ROR1: variants seen among roughly 807,000 people sequenced by gnomAD.
ROR1 encodes ROR family WNT receptor 1.
A neutral mutation model predicts 78.8 loss-of-function variants in ROR1; 19 were observed. The ratio of observed to expected loss-of-function variants is 0.24; its 90% CI spans 0.17 to 0.35. The LOEUF is 0.35. Among genes scored for constraint, ROR1 ranks in the 10% least tolerant of loss-of-function variants. The pLI is 1.00. For synonymous variants in ROR1, 386 were observed against 433.6 expected (o/e 0.89, Z 1.36); for missense variants, 917 against 1,177.8 (o/e 0.78, Z 3.24).
At chr1:64,035,443 T>C (rs1458905926) in intron 2 of ROR1, among the ~76,000 whole-genome samples, 1 of 152,198 alleles carries the variant, frequency 6.6e-6, no homozygotes, top group East Asian at 1.9e-4. Flanking sequence ...TGTTGTCTGA[T>C]AGCTGCTTTC....
At chr1:63,972,774 A>G (rs1646128831) in intron 1 of ROR1, among the ~76,000 whole-genome samples, 2 of 152,242 alleles carry the variant, frequency 1.3e-5, no homozygotes, top group South Asian at 4.1e-4. Context: ...ACTTAATTCC[A>G]GTTAATCATT....
intron 2 of ROR1, among the ~76,000 whole-genome samples, chr1:64,041,423 G>T (rs1300119826): frequency 1.3e-5 from 2 of 152,108 alleles, no homozygotes; most frequent in East Asian, 3.8e-4. Flanking sequence ...CATACAATTT[G>T]TCTATTTGTA....
chr1:64,149,840 C>T (rs1220094706), intron 7 of ROR1, among the ~76,000 whole-genome samples: 2 of 152,146 alleles, frequency 1.3e-5, no homozygotes, highest in Non-Finnish European at 2.9e-5. Context: ...TCACTGTAGC[C>T]CTTTATCATT....
chr1:63,985,578 A>G (rs2100514182), intron 1 of ROR1, among the ~76,000 whole-genome samples: 1 of 152,200 alleles, frequency 6.6e-6, no homozygotes, highest in East Asian at 1.9e-4. Context: ...CATACACAAA[A>G]TTATTAAAAA....
intron 8 of ROR1, among the ~76,000 whole-genome samples, chr1:64,176,992 G>A (rs937940419): frequency 6.6e-6 from 1 of 152,236 alleles, no homozygotes; most frequent in African/African-American, 2.4e-5. Flanking sequence ...GATTACAAAT[G>A]CTCTGAGTAC....
At chr1:63,832,956 C>G (rs1180010879) in intron 1 of ROR1, among the ~76,000 whole-genome samples, 3 of 152,202 alleles carry the variant, frequency 2.0e-5, no homozygotes, top group African/African-American at 7.2e-5. Flanking sequence ...TTTCTGATAA[C>G]CAGCCCCCCA....
At chr1:63,951,590 G>A (rs184945311) in intron 1 of ROR1, among the ~76,000 whole-genome samples, 26 of 152,320 alleles carry the variant, frequency 1.7e-4, no homozygotes, top group Admixed American at 1.7e-3. Context: ...ATAGGAATGT[G>A]TGTGGGAGGA....
chr1:63,841,373 A>G (rs1162723079), intron 1 of ROR1, among the ~76,000 whole-genome samples: 1 of 152,232 alleles, frequency 6.6e-6, no homozygotes, highest in East Asian at 1.9e-4. Flanking sequence ...TGTTCCTTAA[A>G]CATAGTAGGT....
At chr1:64,118,748 A>G (rs1569800701) in intron 4 of ROR1, among the ~76,000 whole-genome samples, 1 of 151,838 alleles carries the variant, frequency 6.6e-6, no homozygotes, top group African/African-American at 2.4e-5. Flanking sequence ...GGTAAATCAG[A>G]GTTAACAACA....
chr1:64,097,396 G>C (rs1386798377), intron 4 of ROR1, among the ~76,000 whole-genome samples: 1 of 152,050 alleles, frequency 6.6e-6, no homozygotes, highest in Non-Finnish European at 1.5e-5. Context: ...TTATTTTGAG[G>C]TCAGCTGATT....
At chr1:63,965,045 T>G (rs1235074181) in intron 1 of ROR1, among the ~76,000 whole-genome samples, 1 of 152,216 alleles carries the variant, frequency 6.6e-6, no homozygotes, top group Non-Finnish European at 1.5e-5. Context: ...GTTCTAGTAT[T>G]ATGATTGTTT....
At chr1:63,842,606 G>A (rs1645055779) in intron 1 of ROR1, among the ~76,000 whole-genome samples, 1 of 151,810 alleles carries the variant, frequency 6.6e-6, no homozygotes, top group African/African-American at 2.4e-5. Context: ...TTGCTCACAA[G>A]ATGTGCAGAA....
chr1:64,054,697 A>G (rs1182500566), intron 4 of ROR1, among the ~76,000 whole-genome samples: 1 of 152,226 alleles, frequency 6.6e-6, no homozygotes, highest in Non-Finnish European at 1.5e-5. Flanking sequence ...CTAGGTTTGT[A>G]CAAATTTAAG....
intron 1 of ROR1, among the ~76,000 whole-genome samples, chr1:63,815,594 C>T (rs1374139991): frequency 1.3e-5 from 2 of 151,164 alleles, no homozygotes; most frequent in Non-Finnish European, 2.9e-5. Flanking sequence ...TTAATACCAC[C>T]CTTCAGTGGT....
chr1:64,110,841 A>G (rs1648064338), intron 4 of ROR1: 1 of 152,096 alleles, frequency 6.6e-6, no homozygotes, highest in Non-Finnish European at 1.5e-5. Context: ...GCAGTGGAGT[A>G]AAGACCTTTA....
intron 1 of ROR1, among the ~76,000 whole-genome samples, chr1:63,947,633 G>T (rs1645901132): frequency 6.6e-6 from 1 of 152,148 alleles, no homozygotes; most frequent in South Asian, 2.1e-4. Context: ...GCCGGCGGGA[G>T]GTGATAGCTG....
At chr1:63,867,284 T>C (rs554929104) in intron 1 of ROR1, among the ~76,000 whole-genome samples, 1 of 152,290 alleles carries the variant, frequency 6.6e-6, no homozygotes, top group East Asian at 1.9e-4. Context: ...TTAGACCAGG[T>C]GGTTTCACAA....
At chr1:63,940,482 CAGATAGATAGACAGACAGATAGATAGAT>C (rs1401635853) in intron 1 of ROR1, among the ~76,000 whole-genome samples, 1,316 of 81,682 alleles carry the variant, frequency 0.016, 16 homozygotes, top group African/African-American at 0.041. Context: ...GATAGATAGA[CAGATAGATAGACAGACAGATAGATAGAT>C]AGATAGATAG....
At chr1:64,004,890 T>C (rs1646416092) in intron 1 of ROR1, among the ~76,000 whole-genome samples, 1 of 151,788 alleles carries the variant, frequency 6.6e-6, no homozygotes, top group Non-Finnish European at 1.5e-5. Flanking sequence ...CCCCTATTGA[T>C]CAAATCGGGA....
Sources: allele counts gnomAD v4.1 joint callset (sites outside exome capture counted in the v4.1 genomes callset), GRCh38; gene constraint gnomAD v4.1.1; transcripts MANE v1.5; gene names NCBI Gene and HGNC (gene_info 2026-07-23, HGNC 2026-07-21).